The following PTPN7 variants were observed in gnomAD, a reference collection of about 807,000 sequenced individuals.
The protein encoded by PTPN7 is tyrosine-protein phosphatase non-receptor type 7.
PTPN7 carries 33 observed loss-of-function variants against 50.3 expected under a neutral mutation model. That is an observed-to-expected ratio of 0.66 (90% CI 0.50 to 0.88). PTPN7 has a LOEUF of 0.88. PTPN7 is among the 40% of genes least tolerant of loss of function. The probability of loss-of-function intolerance (pLI) is 0.00; values close to 1 mark genes in which losing one functional copy is unlikely to be tolerated. For synonymous variants in PTPN7, 185 were observed against 186.6 expected, an observed-to-expected ratio of 0.99 and a Z score of 0.07; for missense variants, 412 against 475.4, an observed-to-expected ratio of 0.87 and a Z score of 1.24.
Position 202,159,488 on chromosome 1 carries a change from G to A in PTPN7, c.-52-34C>T, listed in dbSNP as rs753188161. The A allele has an allele frequency of 6.3e-6, 10 of 1,593,160 alleles. No homozygotes were observed. In the East Asian group the frequency reaches 2.3e-4, roughly 36 times the overall value. On this transcript the variant is annotated intron_variant, in intron 1 of 9. Coordinates refer to ENST00000691036, the MANE Select transcript of PTPN7 (RefSeq NM_002832.4). The surrounding 1 kb of genome is among the most constrained non-coding windows in gnomAD (Gnocchi z 4.6). ...CAGGGCCCTCCGCTGCTGTTCTCTG[G>A]CCTGCCTGATTGGCCAGAAGGAGGC... is the stretch of plus-strand genomic sequence containing the variant.
chr1:202,152,426 G>T (rs1263671628), intron 8 of PTPN7, 116 bp downstream of exon 8: 2 of 1,240,986 alleles, frequency 1.6e-6, no homozygotes, highest in Non-Finnish European at 2.2e-6. Flanking sequence ...AGTCATGTCT[G>T]AGTAAGGACT....
upstream of PTPN7, chr1:202,160,711 G>A (rs190675108): frequency 3.7e-4 from 576 of 1,550,426 alleles, 2 homozygotes; most frequent in African/African-American, 5.8e-3. The surrounding 1 kb of genome is among the most constrained non-coding windows in gnomAD (Gnocchi z 4.8). Flanking sequence ...GCCTGCTGCC[G>A]CTGCCACCAG....
Position 202,159,166 on chromosome 1 carries a change from A to C in PTPN7, c.122+115T>G. The C allele has an allele frequency of 9.8e-7, 1 of 1,024,436 alleles. No individual in the cohort carries two copies. The highest frequency in any genetic ancestry group is 1.5e-6 in the Non-Finnish European group (1 of 681,126). The allele number at this position is 1,024,436 out of a possible 1,614,324, so 63.5% of individuals were successfully genotyped here. ...TGGTTTCCTTTCCAAATTGGAGTCA[A>C]CAACTGAGGGCCCTCTGGACCCTGC... On this transcript the variant is annotated intron_variant, in intron 2 of 9. Transcript: ENST00000691036. This position sits in a 1 kb window ranked among gnomAD's most constrained non-coding sequence, Gnocchi z 4.6.
At position 202,159,804 on chromosome 1, in the gene PTPN7, T is replaced by C. The variant is rs1657148753; in HGVS notation, c.-52-350A>G. On this transcript the variant is annotated intron_variant, in intron 1 of 9. Coordinates refer to ENST00000691036, the MANE Select transcript of PTPN7 (RefSeq NM_002832.4). This position sits in a 1 kb window ranked among gnomAD's most constrained non-coding sequence, Gnocchi z 4.6. ...CAAGGGAGGAAACAGAAAATATGTG[T>C]TCTCTAGGACGGAAGGGAGAAAGCA... The C allele has an allele frequency of 3.4e-6, 4 of 1,179,430 alleles. No individual in the cohort carries two copies. The highest frequency in any genetic ancestry group is 7.7e-5 in the East Asian group (2 of 25,982). 73.1% of individuals were successfully genotyped at this position (1,179,430 alleles called of 1,614,324 possible). A position where few individuals can be genotyped will look rare whatever the true frequency, so the allele number is the denominator to read the frequency against.
chr1:202,157,828 CA>C lies in PTPN7; in HGVS notation c.307-6del. ...GACAAAGTTTGAAGGGATCTTCTGG[CA>C]GGGGGAGGAAATGGGTGAGCAGCTG... On this transcript the variant is annotated splice_region_variant and splice_polypyrimidine_tract_variant and intron_variant, in intron 3 of 9. Coordinates refer to ENST00000691036, the MANE Select transcript of PTPN7 (RefSeq NM_002832.4). The C allele has an allele frequency of 6.2e-7, 1 of 1,613,444 alleles. No individual in the cohort carries two copies. The highest frequency in any genetic ancestry group is 1.1e-5 in the South Asian group (1 of 91,076).
chr1:202,155,113 A>G (rs1472880325), intron 5 of PTPN7, among the ~76,000 whole-genome samples: 1 of 152,104 alleles, frequency 6.6e-6, no homozygotes, highest in Non-Finnish European at 1.5e-5. Flanking sequence ...TCAATCAACC[A>G]TCTTCATATA....
chr1:202,149,633 T>C (rs996221894), intron 9 of PTPN7, among the ~76,000 whole-genome samples: 1 of 151,542 alleles, frequency 6.6e-6, no homozygotes, highest in Non-Finnish European at 1.5e-5. Flanking sequence ...ATCTCTATTA[T>C]TAAAAAAAGA....
chr1:202,154,457 C>A (rs568855390), intron 5 of PTPN7, 134 bp from the exon 6 acceptor site: 5 of 1,022,874 alleles, frequency 4.9e-6, no homozygotes, highest in Non-Finnish European at 7.0e-6. Flanking sequence ...TGCACGAACA[C>A]GCACACTCAG....
In PTPN7 at chr1:202,159,399, C is replaced by T; in HGVS notation, c.4G>A (p.Val2Ile). 2 of 1,614,188 alleles carry T rather than the reference C, an allele frequency of 1.2e-6. No homozygotes were observed. Among genetic ancestry groups the T allele is most frequent in the East Asian group, 2.2e-5 (1 of 44,872 alleles). Residue 2 changes from valine to isoleucine, a missense_variant, in exon 2 of 10, where the codon GTC (valine) becomes ATC (isoleucine). Physicochemically the swap from Val to Ile is conservative, Grantham distance 29 (BLOSUM62 3). Transcript: ENST00000691036. The surrounding 1 kb of genome is among the most constrained non-coding windows in gnomAD (Gnocchi z 4.6). M[V>I]QAHGGRSRAQ... ...CTGGAGCGCCCCCCATGGGCTTGGACCATGCTGAGGTGGGGTGCTGGGCCC... is the reference window on the plus strand; with the variant it reads ...CTGGAGCGCCCCCCATGGGCTTGGATCATGCTGAGGTGGGGTGCTGGGCCC...
intron 9 of PTPN7, chr1:202,150,044 G>A (rs991680282): frequency 4.7e-5 from 15 of 321,514 alleles, no homozygotes; most frequent in Non-Finnish European, 8.6e-5. Context: ...TGTTGGCCAG[G>A]CTGGTCTCGA....
In PTPN7 at chr1:202,157,840, A is replaced by G. The variant is rs1224010374; in HGVS notation, c.307-17T>C. ...AGGGATCTTCTGGCAGGGGGAGGAA[A>G]TGGGTGAGCAGCTGACTCCTAGCCT... On this transcript the variant is annotated splice_polypyrimidine_tract_variant and intron_variant, in intron 3 of 9. Coordinates refer to ENST00000691036, the MANE Select transcript of PTPN7 (RefSeq NM_002832.4). 1.2e-6 allele frequency: 2 copies of G among 1,607,170 alleles called. No individual in the cohort carries two copies. The highest frequency in any genetic ancestry group is 1.7e-6 in the Non-Finnish European group (2 of 1,173,714).
chr1:202,153,341 C>A (rs1437666299), intron 7 of PTPN7, among the ~76,000 whole-genome samples: 1 of 152,162 alleles, frequency 6.6e-6, no homozygotes, highest in African/African-American at 2.4e-5. Context: ...CCAGGCTGGT[C>A]TGGAACTCCT....
Position 202,148,537 on chromosome 1 carries a change from A to T in PTPN7, c.*69T>A. 2 of 1,445,068 alleles carry T rather than the reference A, an allele frequency of 1.4e-6. No individual in the cohort carries two copies. The highest frequency in any genetic ancestry group is 9.6e-7 in the Non-Finnish European group (1 of 1,038,940). The allele number at this position is 1,445,068 out of a possible 1,614,324, so 89.5% of individuals were successfully genotyped here. On this transcript the variant is annotated 3_prime_UTR_variant, in exon 10 of 10. Transcript: ENST00000691036. ...GGGGTACCCCCAGATCACTCGGCCC[A>T]CTTTCCCCAGACCCACCTTCCCAGG...
Position 202,159,376 on chromosome 1 carries a change from G to A in PTPN7, c.27C>T (p.Ser9=), listed in dbSNP as rs772420471. MVQAHGGR[S]RAQPLTLSLG... ...AAGACAAGGTCAACGGCTGTGCTCTGGAGCGCCCCCCATGGGCTTGGACCA... is the reference window on the plus strand; with the variant it reads ...AAGACAAGGTCAACGGCTGTGCTCTAGAGCGCCCCCCATGGGCTTGGACCA... Residue 9 remains serine, a synonymous_variant, in exon 2 of 10, where the codon TCC becomes TCT. Transcript: ENST00000691036. The surrounding 1 kb of genome is among the most constrained non-coding windows in gnomAD (Gnocchi z 4.6). 1 of 1,614,220 alleles carries A rather than the reference G, an allele frequency of 6.2e-7. No individual in the cohort carries two copies. Among genetic ancestry groups the A allele is most frequent in the Non-Finnish European group, 8.5e-7 (1 of 1,180,046 alleles).
chr1:202,159,714 A>G lies in PTPN7; in HGVS notation c.-52-260T>C. The stretch of plus-strand genomic sequence containing the variant: ...GGAAAGAATCCAGAAGGAGGAAAAG[A>G]GAGAGGGGAGAGAGGCCACACACCA... On this transcript the variant is annotated intron_variant, in intron 1 of 9. Coordinates refer to ENST00000691036, the MANE Select transcript of PTPN7 (RefSeq NM_002832.4). The surrounding 1 kb of genome is among the most constrained non-coding windows in gnomAD (Gnocchi z 4.6). 2.9e-6 allele frequency: 4 copies of G among 1,360,606 alleles called. No homozygotes were observed. The highest frequency in any genetic ancestry group is 2.8e-6 in the Non-Finnish European group (3 of 1,057,680). The allele number at this position is 1,360,606 out of a possible 1,614,324, so 84.3% of individuals were successfully genotyped here.
chr1:202,153,905 T>C, intron 6 of PTPN7, 70 bp from the exon 7 acceptor site: 1 of 1,284,822 alleles, frequency 7.8e-7, no homozygotes, highest in Non-Finnish European at 1.1e-6. Flanking sequence ...AGAGAGGGGC[T>C]GGTATCTCCT....
At chr1:202,150,560 G>A (rs546408098) in intron 8 of PTPN7, 136 bp from the exon 9 acceptor site, 10 of 657,724 alleles carry the variant, frequency 1.5e-5, no homozygotes, top group South Asian at 1.8e-5. Context: ...ATGGAGGCAG[G>A]TAGCAGTACT....
chr1:202,157,957 G>T, intron 3 of PTPN7, 134 bp from the exon 4 acceptor site: 1 of 1,237,570 alleles, frequency 8.1e-7, no homozygotes, highest in South Asian at 1.4e-5. Flanking sequence ...GGTGGGGGCA[G>T]AAGGGGAAGC....
At position 202,159,497 on chromosome 1, in the gene PTPN7, A is replaced by C. The variant is rs747234987; in HGVS notation, c.-52-43T>G. The C allele has an allele frequency of 6.3e-7, 1 of 1,586,598 alleles. No individual in the cohort carries two copies. Among genetic ancestry groups the C allele is most frequent in the South Asian group, 1.1e-5 (1 of 89,762 alleles). On this transcript the variant is annotated intron_variant, in intron 1 of 9. Transcript: ENST00000691036. The surrounding 1 kb of genome is among the most constrained non-coding windows in gnomAD (Gnocchi z 4.6). ...CCGCTGCTGTTCTCTGGCCTGCCTG[A>C]TTGGCCAGAAGGAGGCTCCCATGCC...
Sources: allele counts gnomAD v4.1 joint callset (sites outside exome capture counted in the v4.1 genomes callset), GRCh38; gene constraint gnomAD v4.1.1; non-coding constraint Gnocchi (gnomAD v3.1); transcripts MANE v1.5; gene names NCBI Gene and HGNC (gene_info 2026-07-23, HGNC 2026-07-21).